Variants in SYN3 observed in about 807,000 individuals in gnomAD.
SYN3 encodes synapsin-3.
In SYN3, 35 loss-of-function variants were observed where a neutral mutation model predicts 65.8. That is an observed-to-expected ratio of 0.53 (90% CI 0.41 to 0.70). The LOEUF is 0.70. Among genes scored for constraint, SYN3 ranks in the 30% least tolerant of loss-of-function variants. The pLI is 0.00. For synonymous variants in SYN3, 270 were observed against 292.9 expected (o/e 0.92, Z 0.80); for missense variants, 680 against 749.0 (o/e 0.91, Z 1.08).
At chr22:32,631,300 C>T (rs75977434) in intron 6 of SYN3, among the ~76,000 whole-genome samples, 4 of 101,706 alleles carry the variant, frequency 3.9e-5, no homozygotes, top group Non-Finnish European at 7.6e-5. Context: ...CATCTCAAAA[C>T]GAAACAAGCA....
At chr22:33,035,462 G>C (rs1004796088) in intron 1 of SYN3, among the ~76,000 whole-genome samples, 1 of 151,918 alleles carries the variant, frequency 6.6e-6, no homozygotes, top group South Asian at 2.1e-4. Context: ...GTGGAAAGGT[G>C]GAAGGCCTCA....
chr22:32,694,485 A>C (rs940793187), intron 6 of SYN3, among the ~76,000 whole-genome samples: 1 of 152,196 alleles, frequency 6.6e-6, no homozygotes, highest in African/African-American at 2.4e-5. Flanking sequence ...GATACAGTTG[A>C]TCCTGGAACA....
chr22:32,536,805 G>A lies in SYN3; in HGVS notation c.992+1231C>T, dbSNP rs559127267. 3.9e-5 allele frequency among the ~76,000 whole-genome samples: 6 copies of A among 152,340 alleles called. No individual in the cohort carries two copies. In the East Asian group the frequency reaches 1.2e-3, roughly 29 times the overall value. On this transcript the variant is annotated intron_variant, in intron 9 of 13. Transcript: ENST00000358763. Reference sequence around the variant, plus strand: ...CAACACACAAAGAAGCTGAACTTGGGTGGGCAGAGGAGGAGCCTTAAGGCC... The same window carrying A: ...CAACACACAAAGAAGCTGAACTTGGATGGGCAGAGGAGGAGCCTTAAGGCC...
rs1406455311 is a variant in SYN3, at chr22:32,596,669, C to T, written c.774+5G>A. The T allele has an allele frequency of 6.2e-7, 1 of 1,613,930 alleles. No homozygotes were observed. Among genetic ancestry groups the T allele is most frequent in the Non-Finnish European group, 8.5e-7 (1 of 1,179,924 alleles). ...CACTGTGAGTGGAAGGGCTGTTTCT[C>T]ATACCTTTCCCATTCCAGCGTGGGC... On this transcript the variant is annotated splice_donor_5th_base_variant and intron_variant, in intron 7 of 13. Coordinates refer to ENST00000358763, the MANE Select transcript of SYN3 (RefSeq NM_003490.4).
Position 32,972,947 on chromosome 22 carries a change from T to C in SYN3, c.369+7698A>G, listed in dbSNP as rs186471330. Among the ~76,000 whole-genome samples the C allele has an allele frequency of 6.6e-5, 10 of 152,220 alleles. No homozygotes were observed. In the East Asian group the frequency reaches 1.9e-3, roughly 29 times the overall value. ...TCACTTGAGCCCAGGAGTTTGAGGCTACAGTGAACCATGATTACACCATTG... is the reference window on the plus strand; with the variant it reads ...TCACTTGAGCCCAGGAGTTTGAGGCCACAGTGAACCATGATTACACCATTG... On this transcript the variant is annotated intron_variant, in intron 3 of 13. Coordinates refer to ENST00000358763, the MANE Select transcript of SYN3 (RefSeq NM_003490.4).
At chr22:32,521,237 C>A (rs1041517145) in intron 12 of SYN3, among the ~76,000 whole-genome samples, 2 of 152,184 alleles carry the variant, frequency 1.3e-5, no homozygotes, top group Admixed American at 6.5e-5. Flanking sequence ...AAGAACATAG[C>A]AATTGCCCCT....
chr22:33,052,756 TC>T (rs1202504310), intron 1 of SYN3, among the ~76,000 whole-genome samples: 5 of 152,204 alleles, frequency 3.3e-5, no homozygotes, highest in Admixed American at 3.3e-4. Context: ...GGCTAATAAT[TC>T]CTAGAAGGCA....
intron 6 of SYN3, among the ~76,000 whole-genome samples, chr22:32,614,639 T>C (rs762170128): frequency 6.6e-6 from 1 of 152,222 alleles, no homozygotes; most frequent in Non-Finnish European, 1.5e-5. Flanking sequence ...AAGCAGAGAC[T>C]GTGGGCAGGT....
At chr22:32,548,849 T>C (rs1182593449) in intron 7 of SYN3, among the ~76,000 whole-genome samples, 1 of 152,212 alleles carries the variant, frequency 6.6e-6, no homozygotes, top group African/African-American at 2.4e-5. Context: ...CAAGGCTGTT[T>C]ATTGCAGCAC....
chr22:32,645,324 G>A (rs193160758), intron 6 of SYN3, among the ~76,000 whole-genome samples: 1 of 152,144 alleles, frequency 6.6e-6, no homozygotes, highest in Admixed American at 6.5e-5. Context: ...GGTGGCGCAT[G>A]CCTGTAATCC....
chr22:32,542,529 C>CTG (rs1213636367), intron 7 of SYN3, among the ~76,000 whole-genome samples: 2 of 139,956 alleles, frequency 1.4e-5, no homozygotes, highest in African/African-American at 5.8e-5. Flanking sequence ...TGCGGTGCTT[C>CTG]TGTGTGTGTG....
At chr22:32,915,007 TG>T (rs954121971) in intron 4 of SYN3, among the ~76,000 whole-genome samples, 2 of 152,032 alleles carry the variant, frequency 1.3e-5, no homozygotes, top group African/African-American at 2.4e-5. Flanking sequence ...GACAGTCTGG[TG>T]GGGAAGGCAG....
Position 32,748,772 on chromosome 22 carries a change from A to G in SYN3, c.711+116143T>C, listed in dbSNP as rs987709747. ...CTAGAAGGTAGAAGGCATGGGGCCA[A>G]CTACGATGGAACATTAGAAGCCCCT... is the stretch of plus-strand genomic sequence containing the variant. On this transcript the variant is annotated intron_variant, in intron 6 of 13. Coordinates refer to ENST00000358763, the MANE Select transcript of SYN3 (RefSeq NM_003490.4). Among the ~76,000 whole-genome samples the G allele has an allele frequency of 2.6e-5, 4 of 152,202 alleles. No homozygotes were observed. In the South Asian group the frequency reaches 6.2e-4, roughly 24 times the overall value.
chr22:32,855,871 C>T (rs2048349009), intron 6 of SYN3, among the ~76,000 whole-genome samples: 1 of 152,210 alleles, frequency 6.6e-6, no homozygotes, highest in Non-Finnish European at 1.5e-5. Flanking sequence ...CAAATATCAG[C>T]AATTTCACGT....
chr22:32,818,881 G>C (rs891471431), intron 6 of SYN3, among the ~76,000 whole-genome samples: 1 of 152,198 alleles, frequency 6.6e-6, no homozygotes, highest in Non-Finnish European at 1.5e-5. Flanking sequence ...CTGAAGCCAC[G>C]GGCCAGGCAG....
At chr22:32,704,681 C>T (rs1292335056) in intron 6 of SYN3, among the ~76,000 whole-genome samples, 2 of 152,188 alleles carry the variant, frequency 1.3e-5, no homozygotes, top group East Asian at 1.9e-4. Context: ...TATACACCCA[C>T]CAACAGTGTA....
chr22:33,027,527 G>T (rs1477372452), intron 1 of SYN3, among the ~76,000 whole-genome samples: 1 of 151,938 alleles, frequency 6.6e-6, no homozygotes, highest in African/African-American at 2.4e-5. Context: ...AACCCAGGAG[G>T]TAGAGTTTGC....
chr22:33,056,946 C>T (rs2054263869), intron 1 of SYN3, among the ~76,000 whole-genome samples: 1 of 152,208 alleles, frequency 6.6e-6, no homozygotes, highest in Non-Finnish European at 1.5e-5. Context: ...AGAGCAGAGG[C>T]ACCCTTCAGA....
At chr22:32,673,444 G>A (rs2060399480) in intron 6 of SYN3, among the ~76,000 whole-genome samples, 1 of 152,300 alleles carries the variant, frequency 6.6e-6, no homozygotes, top group Non-Finnish European at 1.5e-5. Flanking sequence ...TGGATGAAAC[G>A]ACCAAGCCTG....
Sources: allele counts gnomAD v4.1 joint callset (sites outside exome capture counted in the v4.1 genomes callset), GRCh38; gene constraint gnomAD v4.1.1; transcripts MANE v1.5; gene names NCBI Gene and HGNC (gene_info 2026-07-23, HGNC 2026-07-21).